Variants in SMARCE1 observed in about 807,000 individuals in gnomAD.
The protein encoded by SMARCE1 is SWI/SNF-related matrix-associated actin-dependent regulator of chromatin subfamily E member 1.
A neutral mutation model predicts 54.9 loss-of-function variants in SMARCE1; 13 were observed. The ratio of observed to expected loss-of-function variants is 0.24; its 90% CI spans 0.15 to 0.38. SMARCE1 has a LOEUF of 0.38. Among genes scored for constraint, SMARCE1 ranks in the 10% least tolerant of loss-of-function variants. The probability of loss-of-function intolerance (pLI) is 1.00; values close to 1 mark genes in which losing one functional copy is unlikely to be tolerated. For missense variants in SMARCE1, 295 were observed against 523.8 expected (o/e 0.56, Z 4.26); for synonymous variants, 151 against 175.3 (o/e 0.86, Z 1.10).
intron 4 of SMARCE1, among the ~76,000 whole-genome samples, chr17:40,638,963 C>A (rs555112035): frequency 6.6e-6 from 1 of 152,306 alleles, no homozygotes; most frequent in African/African-American, 2.4e-5. Flanking sequence ...AATGTTTCCT[C>A]TTCCTACAAG....
chr17:40,632,051 CA>C (rs1399256150), intron 8 of SMARCE1, 143 bp downstream of exon 8: 1 of 634,374 alleles, frequency 1.6e-6, no homozygotes, highest in Non-Finnish European at 2.7e-6. Flanking sequence ...GGGAAAGGTC[CA>C]CTTCCTTAAA....
At chr17:40,633,282 T>C (rs974922540) in intron 7 of SMARCE1, 1 of 152,214 alleles carries the variant, frequency 6.6e-6, no homozygotes, top group Admixed American at 6.5e-5. Context: ...AGCGCTGGGA[T>C]TACAGGTGTG....
At chr17:40,636,708 C>T in intron 5 of SMARCE1, 182 bp from the exon 6 acceptor site, 1 of 534,058 alleles carries the variant, frequency 1.9e-6, no homozygotes, top group South Asian at 2.3e-5. Context: ...TATCTTTGCC[C>T]TACTGGATTA....
chr17:40,637,486 A>T lies in SMARCE1; in HGVS notation c.237+6T>A. On this transcript the variant is annotated splice_donor_region_variant and intron_variant, in intron 5 of 10. Coordinates refer to ENST00000348513, the MANE Select transcript of SMARCE1 (RefSeq NM_003079.5). ...CCTCACTCCTTACCAGGTCCTAAGC[A>T]CCTACCTTTCTGCTGTACCTCATGT... 6.2e-7 allele frequency: 1 copy of T among 1,610,424 alleles called. No homozygotes were observed. Among genetic ancestry groups the T allele is most frequent in the Non-Finnish European group, 8.5e-7 (1 of 1,176,756 alleles).
intron 8 of SMARCE1, 117 bp downstream of exon 8, chr17:40,632,078 A>G (rs2037100576): frequency 1.2e-6 from 1 of 809,220 alleles, no homozygotes; most frequent in Admixed American, 2.6e-5. Context: ...TCTCCAAATC[A>G]GGAACAGGTT....
At chr17:40,631,133 G>A in intron 9 of SMARCE1, 2 of 540,132 alleles carry the variant, frequency 3.7e-6, no homozygotes, top group Admixed American at 3.4e-5. Flanking sequence ...TCTAGCAGTT[G>A]TATAATATAG....
At chr17:40,645,508 G>T in intron 3 of SMARCE1, 68 bp downstream of exon 3, 1 of 912,948 alleles carries the variant, frequency 1.1e-6, no homozygotes, top group Non-Finnish European at 1.7e-6. Flanking sequence ...ACTGTCACTG[G>T]AAGACATCTG....
Position 40,630,827 on chromosome 17 carries a change from T to C in SMARCE1, c.914A>G (p.Lys305Arg). The C allele has an allele frequency of 1.2e-6, 2 of 1,614,120 alleles. No homozygotes were observed. Among genetic ancestry groups the C allele is most frequent in the Non-Finnish European group, 1.7e-6 (2 of 1,180,022 alleles). The change falls in exon 10 of 11, where the codon AAG becomes AGG. Residue 305 changes from lysine (K) to arginine (R), a missense_variant. By Grantham distance (26) the Lys-to-Arg change is conservative. Around this residue, in one of 5 missense-constraint regions of SMARCE1, gnomAD observed 147 missense variants for 161.4 expected, o/e 0.91. Transcript: ENST00000348513. Reference protein sequence around the residue: ...QARKRQEEREKEAAEQAERSQ... With the variant: ...QARKRQEEREREAAEQAERSQ... Reference sequence around the variant, plus strand: ...GCGCTCAGCTTGCTCTGCGGCCTCCTTCTCCCTTTCCTCCTGCCTTTTGCG... The same window carrying C: ...GCGCTCAGCTTGCTCTGCGGCCTCCCTCTCCCTTTCCTCCTGCCTTTTGCG...
chr17:40,632,407 A>T (rs749453100), intron 7 of SMARCE1, 40 bp from the exon 8 acceptor site: 2 of 1,571,626 alleles, frequency 1.3e-6, no homozygotes, highest in Non-Finnish European at 1.7e-6. Context: ...GGTCACCAGT[A>T]ACCATAAAAA....
intron 3 of SMARCE1, chr17:40,643,510 A>G (rs1384460500): frequency 1.3e-5 from 2 of 152,232 alleles, no homozygotes; most frequent in African/African-American, 4.8e-5. Flanking sequence ...GGGCTAATAC[A>G]ATGACACTCA....
At chr17:40,632,051 C>T (rs1410664641) in intron 8 of SMARCE1, 144 bp downstream of exon 8, 8 of 634,254 alleles carry the variant, frequency 1.3e-5, no homozygotes, top group Non-Finnish European at 2.1e-5. Context: ...GGGAAAGGTC[C>T]ACTTCCTTAA....
intron 1 of SMARCE1, chr17:40,647,435 G>C (rs1002341634): frequency 1.3e-5 from 2 of 153,032 alleles, no homozygotes; most frequent in African/African-American, 4.8e-5. Context: ...CTGCCCGGGT[G>C]GGGGGTGAAC....
rs2037047006 is a variant in SMARCE1 at position 40,627,504 on chromosome 17, T to C, written c.*1281A>G. 6.6e-6 allele frequency: 1 copy of C among 152,252 alleles called. No individual in the cohort carries two copies. Among genetic ancestry groups the C allele is most frequent in the South Asian group, 2.1e-4 (1 of 4,836 alleles). The allele number at this position is 152,252 out of a possible 1,614,324, so 9.4% of individuals were successfully genotyped here. ...ACCAACTTCCATATGTGACAATGAC[T>C]ATAATGTAAGAAAACTGATTTTCAC... On this transcript the variant is annotated 3_prime_UTR_variant, in exon 11 of 11. Transcript: ENST00000348513.
At chr17:40,646,944 C>T (rs2037263930) in intron 1 of SMARCE1, among the ~76,000 whole-genome samples, 1 of 152,232 alleles carries the variant, frequency 6.6e-6, no homozygotes, top group Non-Finnish European at 1.5e-5. Flanking sequence ...AAACCTTTGA[C>T]TCTGGTGTAG....
rs576150628 is a variant in SMARCE1, at chr17:40,636,893, ACAT to A, written c.238-370_238-368del. 357 of 171,244 alleles carry A rather than the reference ACAT, an allele frequency of 2.1e-3. 1 individual carries two copies. Among genetic ancestry groups the A allele is most frequent in the African/African-American group, 8.1e-3 (338 of 41,822 alleles). The allele number at this position is 171,244 out of a possible 1,614,324, so 10.6% of individuals were successfully genotyped here. A position where few individuals can be genotyped will look rare whatever the true frequency, so the allele number is the denominator to read the frequency against. ...AAGTGCTTAATTTGCATAACACGGT[ACAT>A]CATATTATCAAATACAAATATAATA... On this transcript the variant is annotated intron_variant, in intron 5 of 10. Transcript: ENST00000348513.
intron 7 of SMARCE1, chr17:40,632,595 T>C (rs970119850): frequency 2.0e-5 from 9 of 448,358 alleles, no homozygotes; most frequent in Non-Finnish European, 3.5e-5. Flanking sequence ...TAAGTGATAA[T>C]GTTGTGTCTG....
At chr17:40,629,928 C>T in intron 10 of SMARCE1, 2 of 350,620 alleles carry the variant, frequency 5.7e-6, no homozygotes, top group Non-Finnish European at 1.0e-5. Flanking sequence ...GCAGAAATAC[C>T]TGGTAAAGAT....
At chr17:40,633,469 T>C (rs1163876856) in intron 7 of SMARCE1, 2 of 152,196 alleles carry the variant, frequency 1.3e-5, no homozygotes, top group African/African-American at 4.8e-5. Context: ...GCTTTCTCTT[T>C]AGTAATACAT....
chr17:40,628,010 CAAG>C lies in SMARCE1; in HGVS notation c.*772_*774del, dbSNP rs2037052571. On this transcript the variant is annotated 3_prime_UTR_variant, in exon 11 of 11. Transcript: ENST00000348513. ...TCAGTTTGAATTATCTAGTCCATTA[CAAG>C]AATATTAAATTCCTTGAGCTTTGTG... 6.6e-6 allele frequency: 1 copy of C among 152,572 alleles called. No individual in the cohort carries two copies. Among genetic ancestry groups the C allele is most frequent in the South Asian group, 2.1e-4 (1 of 4,824 alleles). The allele number at this position is 152,572 out of a possible 1,614,324, so 9.5% of individuals were successfully genotyped here.
Sources: allele counts gnomAD v4.1 joint callset (sites outside exome capture counted in the v4.1 genomes callset), GRCh38; gene constraint gnomAD v4.1.1; regional missense constraint gnomAD v4.1.1; transcripts MANE v1.5; gene names NCBI Gene and HGNC (gene_info 2026-07-23, HGNC 2026-07-21).